The following HACD2 variants were observed in gnomAD, a reference collection of about 807,000 sequenced individuals.
HACD2 encodes the protein 3-hydroxyacyl-CoA dehydratase 2, also known as very-long-chain (3R)-3-hydroxyacyl-CoA dehydratase 2.
A neutral mutation model predicts 31.0 loss-of-function variants in HACD2; 15 were observed. The ratio of observed to expected loss-of-function variants is 0.48; its 90% CI spans 0.32 to 0.75. The LOEUF is 0.75. Among genes scored for constraint, HACD2 ranks in the 30% least tolerant of loss-of-function variants. HACD2 has a pLI of 0.03. For synonymous variants in HACD2, 115 were observed against 122.2 expected, an observed-to-expected ratio of 0.94 and a Z score of 0.39; for missense variants, 283 against 313.0, an observed-to-expected ratio of 0.90 and a Z score of 0.72.
At chr3:123,583,982 A>T (rs2107766500) in intron 1 of HACD2, among the ~76,000 whole-genome samples, 1 of 152,364 alleles carries the variant, frequency 6.6e-6, no homozygotes, top group African/African-American at 2.4e-5. Flanking sequence ...AGGACTTCTT[A>T]AAAAATTACA....
intron 3 of HACD2, among the ~76,000 whole-genome samples, chr3:123,554,669 G>A (rs1270774979): frequency 6.6e-6 from 1 of 152,098 alleles, no homozygotes; most frequent in Non-Finnish European, 1.5e-5. Flanking sequence ...CCTATTATAT[G>A]AAAGATTTTC....
chr3:123,534,816 T>G (rs138301589), intron 3 of HACD2, among the ~76,000 whole-genome samples: 1 of 9,588 alleles, frequency 1.0e-4, no homozygotes, highest in African/African-American at 1.6e-4. Context: ...GTGTGTGTCT[T>G]AGTTTTTAAC....
intron 3 of HACD2, among the ~76,000 whole-genome samples, chr3:123,556,146 A>G (rs1333140814): frequency 7.2e-5 from 11 of 152,136 alleles, no homozygotes; most frequent in African/African-American, 2.4e-4. Flanking sequence ...TCTCTAAAAA[A>G]TAAATTGAGG....
chr3:123,529,650 T>C (rs937375703), intron 3 of HACD2, among the ~76,000 whole-genome samples: 1 of 152,044 alleles, frequency 6.6e-6, no homozygotes, highest in African/African-American at 2.4e-5. Flanking sequence ...TTGCTTGAGT[T>C]TGGGAGGTTG....
chr3:123,575,820 A>G (rs1031007855), intron 2 of HACD2, among the ~76,000 whole-genome samples: 6 of 152,104 alleles, frequency 3.9e-5, no homozygotes, highest in Non-Finnish European at 8.8e-5. Flanking sequence ...TTTATGCTGG[A>G]AATTGTTTAA....
rs140644984 is a variant in HACD2 at position 123,568,479 on chromosome 3, C to A, written c.274-699G>T. Among the ~76,000 whole-genome samples, 6 of 152,324 alleles carry A rather than the reference C, an allele frequency of 3.9e-5. 1 individual carries two copies. The highest frequency in any genetic ancestry group is 1.4e-4 in the African/African-American group (6 of 41,574). ...CTTTGGGGTTCAACAGTCCTTCCTT[C>A]CCCTCATCCTCAAGTACAACCATTT... is the stretch of plus-strand genomic sequence containing the variant. On this transcript the variant is annotated intron_variant, in intron 2 of 6. Coordinates refer to ENST00000383657, the MANE Select transcript of HACD2 (RefSeq NM_198402.5).
rs2057014791 is a variant in HACD2, at chr3:123,585,007, A to G, written c.21T>C (p.Thr7=). MAAVAA[T]AAAKGNGGGG... is the part of the protein sequence containing the mutation. ...CGCCCCCATTCCCCTTCGCTGCTGCAGTCGCCGCCACTGCCGCCATGTCAA... is the reference window on the plus strand; with the variant it reads ...CGCCCCCATTCCCCTTCGCTGCTGCGGTCGCCGCCACTGCCGCCATGTCAA... The change falls in exon 1 of 7, where the codon ACT becomes ACC. Residue 7 remains threonine (T), a synonymous_variant. Transcript: ENST00000383657. 1 of 1,498,786 alleles carries G rather than the reference A, an allele frequency of 6.7e-7. No individual in the cohort carries two copies. The allele number at this position is 1,498,786 out of a possible 1,614,324, so 92.8% of individuals were successfully genotyped here. A position where few individuals can be genotyped will look rare whatever the true frequency, so the allele number is the denominator to read the frequency against.
intron 3 of HACD2, among the ~76,000 whole-genome samples, chr3:123,550,562 G>A (rs569818739): frequency 2.0e-5 from 3 of 152,294 alleles, no homozygotes; most frequent in African/African-American, 7.2e-5. Context: ...GAAGCAGAGG[G>A]CAAATGGTGA....
In HACD2 at chr3:123,551,620, CAAAAAAAGAAAA is replaced by C. The variant is rs531027843; in HGVS notation, c.292+16130_292+16141del. ...GCCTGGTGACAGAGTGAGACTGTCT[CAAAAAAAGAAAA>C]AAAAAAAGAAAAATTAATAATAAAT... On this transcript the variant is annotated intron_variant, in intron 3 of 6. Coordinates refer to ENST00000383657, the MANE Select transcript of HACD2 (RefSeq NM_198402.5). Among the ~76,000 whole-genome samples, 67 of 142,470 alleles carry C rather than the reference CAAAAAAAGAAAA, an allele frequency of 4.7e-4. No individual in the cohort carries two copies. In the South Asian group the frequency reaches 6.0e-3, roughly 13 times the overall value. 93.5% of individuals were successfully genotyped at this position (142,470 alleles called of 152,430 possible). A position where few individuals can be genotyped will look rare whatever the true frequency, so the allele number is the denominator to read the frequency against.
At chr3:123,544,023 G>T (rs1174716094) in intron 3 of HACD2, among the ~76,000 whole-genome samples, 1 of 152,156 alleles carries the variant, frequency 6.6e-6, no homozygotes, top group Non-Finnish European at 1.5e-5. Flanking sequence ...ATCCAAGAAG[G>T]ATAAAAGGGA....
chr3:123,499,732 A>G (rs2055880120), intron 6 of HACD2: 1 of 442,316 alleles, frequency 2.3e-6, no homozygotes, highest in African/African-American at 2.0e-5. Flanking sequence ...GAGAAGAACC[A>G]CTAACACTGT....
At chr3:123,545,034 CAAA>C (rs71142743) in intron 3 of HACD2, among the ~76,000 whole-genome samples, 2 of 45,212 alleles carry the variant, frequency 4.4e-5, no homozygotes, top group African/African-American at 9.0e-5. Flanking sequence ...GACCCTGCCT[CAAA>C]AAAAAAAAAA....
intron 4 of HACD2, among the ~76,000 whole-genome samples, chr3:123,513,290 C>T (rs1462028865): frequency 6.6e-6 from 1 of 152,160 alleles, no homozygotes; most frequent in African/African-American, 2.4e-5. Context: ...AAAGAAATGA[C>T]AGAAATAGAC....
At chr3:123,576,452 G>C (rs1016736268) in intron 2 of HACD2, among the ~76,000 whole-genome samples, 1 of 151,942 alleles carries the variant, frequency 6.6e-6, no homozygotes, top group Admixed American at 6.6e-5. Flanking sequence ...GTTTTCCTCT[G>C]GTTTTCACAC....
intron 1 of HACD2, among the ~76,000 whole-genome samples, chr3:123,584,012 T>G (rs2056994625): frequency 6.6e-6 from 1 of 152,206 alleles, no homozygotes; most frequent in African/African-American, 2.4e-5. Context: ...AACTTAAAAA[T>G]ATATAACTGT....
intron 4 of HACD2, among the ~76,000 whole-genome samples, chr3:123,503,124 G>C (rs1204565756): frequency 6.6e-6 from 1 of 152,160 alleles, no homozygotes; most frequent in Non-Finnish European, 1.5e-5. Context: ...AATTAGCCAA[G>C]TGTGGTGGCG....
At chr3:123,540,443 G>C (rs1037763205) in intron 3 of HACD2, among the ~76,000 whole-genome samples, 6 of 152,190 alleles carry the variant, frequency 3.9e-5, no homozygotes, top group Admixed American at 2.6e-4. Flanking sequence ...ACCTCTGAAT[G>C]AGAGCAAAAT....
At chr3:123,549,106 C>T (rs2056591835) in intron 3 of HACD2, among the ~76,000 whole-genome samples, 1 of 151,588 alleles carries the variant, frequency 6.6e-6, no homozygotes, top group Non-Finnish European at 1.5e-5. Context: ...ATCTGAAATT[C>T]TACCTTACTT....
chr3:123,573,276 T>C (rs1000262071), intron 2 of HACD2, among the ~76,000 whole-genome samples: 3 of 152,230 alleles, frequency 2.0e-5, no homozygotes, highest in African/African-American at 4.8e-5. Context: ...CTGCTATGCA[T>C]TTTCTTCTGC....
Sources: allele counts gnomAD v4.1 joint callset (sites outside exome capture counted in the v4.1 genomes callset), GRCh38; gene constraint gnomAD v4.1.1; transcripts MANE v1.5; gene names NCBI Gene and HGNC (gene_info 2026-07-23, HGNC 2026-07-21).